Variants in FGF14 observed in about 807,000 individuals in gnomAD.
The protein encoded by FGF14 is fibroblast growth factor homologous factor 4.
A neutral mutation model predicts 25.5 loss-of-function variants in FGF14; 5 were observed. That is an observed-to-expected ratio of 0.20 (90% CI 0.10 to 0.41). The LOEUF is 0.41. FGF14 is among the 10% of genes least tolerant of loss of function. The pLI is 1.00. For missense variants in FGF14, 222 were observed against 320.1 expected, an observed-to-expected ratio of 0.69 and a Z score of 2.34; for synonymous variants, 138 against 118.3, an observed-to-expected ratio of 1.17 and a Z score of -1.08.
At chr13:102,161,590 AAGAAGAAGAAGAAGAAGAAGAAG>A (rs2047668008) in intron 1 of FGF14, among the ~76,000 whole-genome samples, 1 of 5,498 alleles carries the variant, frequency 1.8e-4, no homozygotes, top group Non-Finnish European at 2.5e-4. Flanking sequence ...GAAGAAGAAG[AAGAAGAAGAAGAAGAAGAAGAAG>A]AAGAAGAAGA....
In FGF14 at chr13:102,192,907, G is replaced by A. The variant is rs760274417; in HGVS notation, c.208+208564C>T. On this transcript the variant is annotated intron_variant, in intron 1 of 4. Coordinates refer to the FGF14 transcript ENST00000376131. ...CTAGAAAGATAGATAATTCCCCTTA[G>A]CTATTCTCTTTTCTTTCTGCGCCCT... Among the ~76,000 whole-genome samples, 78 of 152,056 alleles carry A rather than the reference G, an allele frequency of 5.1e-4. 1 individual carries two copies. The highest frequency in any genetic ancestry group is 9.9e-4 in the Non-Finnish European group (67 of 67,996).
At chr13:102,363,798 C>A (rs1249687700) in intron 1 of FGF14, among the ~76,000 whole-genome samples, 1 of 152,184 alleles carries the variant, frequency 6.6e-6, no homozygotes, top group Non-Finnish European at 1.5e-5. Flanking sequence ...CTGTCTTCCA[C>A]AAATGTATAG....
At chr13:102,133,546 T>C (rs935259402) in intron 1 of FGF14, among the ~76,000 whole-genome samples, 2 of 152,322 alleles carry the variant, frequency 1.3e-5, no homozygotes, top group East Asian at 1.9e-4. Flanking sequence ...AAGAGACTTA[T>C]ATAGAAATGG....
chr13:102,144,218 G>A (rs939370748), intron 1 of FGF14, among the ~76,000 whole-genome samples: 11 of 151,978 alleles, frequency 7.2e-5, no homozygotes, highest in Admixed American at 4.6e-4. Flanking sequence ...TATCTGGCCC[G>A]CCATGCATAG....
intron 1 of FGF14, among the ~76,000 whole-genome samples, chr13:102,353,586 A>G (rs565032534): frequency 4.2e-4 from 64 of 152,248 alleles, no homozygotes; most frequent in African/African-American, 1.3e-3. Flanking sequence ...TCACACCTCC[A>G]GTCCTCTCAA....
intron 1 of FGF14, among the ~76,000 whole-genome samples, chr13:102,133,666 G>T: frequency 6.6e-6 from 1 of 152,182 alleles, no homozygotes; most frequent in East Asian, 1.9e-4. Flanking sequence ...TAGATCAATT[G>T]TTAACCGACA....
In FGF14 at chr13:101,839,381, C is replaced by T. The variant is rs183718231; in HGVS notation, c.408+29344G>A. Among the ~76,000 whole-genome samples, 117 of 151,914 alleles carry T rather than the reference C, an allele frequency of 7.7e-4. No individual in the cohort carries two copies. The East Asian group carries it at 8.0e-3, about 10-fold the overall frequency. On this transcript the variant is annotated intron_variant, in intron 3 of 4. Coordinates refer to ENST00000376143, the MANE Select transcript of FGF14 (RefSeq NM_004115.4). ...AAAAATAGAATTTAGTACTTGAAGGCGACATTTAGAAATAGAAAGACAGAT... is the reference window on the plus strand; with the variant it reads ...AAAAATAGAATTTAGTACTTGAAGGTGACATTTAGAAATAGAAAGACAGAT...
chr13:102,237,772 A>C (rs552220307), intron 1 of FGF14, among the ~76,000 whole-genome samples: 1 of 152,340 alleles, frequency 6.6e-6, no homozygotes, highest in South Asian at 2.1e-4. Context: ...GTAAATTAAC[A>C]AATAATAATT....
At chr13:102,068,777 C>T (rs537708465) in intron 1 of FGF14, among the ~76,000 whole-genome samples, 23 of 152,320 alleles carry the variant, frequency 1.5e-4, no homozygotes, top group Non-Finnish European at 3.1e-4. Context: ...GGCTCCTGTG[C>T]GGCCCGAGCC....
chr13:102,018,949 T>C (rs772030212), intron 1 of FGF14, among the ~76,000 whole-genome samples: 64 of 152,198 alleles, frequency 4.2e-4, no homozygotes, highest in African/African-American at 9.1e-4. Context: ...CCACAATGAG[T>C]TGCATGCTCA....
chr13:102,006,845 C>T (rs928325183), intron 1 of FGF14, among the ~76,000 whole-genome samples: 7 of 144,666 alleles, frequency 4.8e-5, no homozygotes, highest in Admixed American at 4.3e-4. Context: ...CCCGGGTTCA[C>T]GCCATTCTCC....
At chr13:102,129,447 C>T (rs2046093528) in intron 1 of FGF14, among the ~76,000 whole-genome samples, 1 of 152,098 alleles carries the variant, frequency 6.6e-6, no homozygotes, top group African/African-American at 2.4e-5. Flanking sequence ...CATCAATTCT[C>T]TCCTTTAGCA....
chr13:102,214,496 A>T (rs1046482200), intron 1 of FGF14, among the ~76,000 whole-genome samples: 1 of 152,160 alleles, frequency 6.6e-6, no homozygotes. Context: ...CTATTTGAGC[A>T]ACTTGGTCAT....
At chr13:102,154,914 G>T (rs1370803859) in intron 1 of FGF14, among the ~76,000 whole-genome samples, 3 of 151,684 alleles carry the variant, frequency 2.0e-5, no homozygotes, top group Non-Finnish European at 4.4e-5. Flanking sequence ...AAGAGACAAA[G>T]AAGGCCATTA....
intron 3 of FGF14, among the ~76,000 whole-genome samples, chr13:101,769,699 C>T (rs955548037): frequency 2.0e-5 from 3 of 152,100 alleles, no homozygotes; most frequent in African/African-American, 7.2e-5. Context: ...TGAAAGGAGC[C>T]AATCTTAAAA....
intron 3 of FGF14, among the ~76,000 whole-genome samples, chr13:101,734,791 C>T (rs2036062738): frequency 6.6e-6 from 1 of 152,136 alleles, no homozygotes; most frequent in African/African-American, 2.4e-5. Context: ...GAAACCGAGG[C>T]ACAGAAGGTT....
intron 3 of FGF14, among the ~76,000 whole-genome samples, chr13:101,859,258 C>T (rs1404444322): frequency 3.3e-5 from 5 of 152,084 alleles, no homozygotes; most frequent in African/African-American, 4.8e-5. Flanking sequence ...AAACTCCCTA[C>T]ATAGCTGTCA....
At chr13:102,126,248 C>A (rs551493129) in intron 1 of FGF14, among the ~76,000 whole-genome samples, 73 of 152,258 alleles carry the variant, frequency 4.8e-4, no homozygotes, top group African/African-American at 1.6e-3. Flanking sequence ...TGCTACTGAT[C>A]ATCTCTAATC....
At chr13:102,300,774 T>C (rs1414034434) in intron 1 of FGF14, among the ~76,000 whole-genome samples, 3 of 152,116 alleles carry the variant, frequency 2.0e-5, no homozygotes, top group Non-Finnish European at 4.4e-5. Flanking sequence ...CTAAAGGCAA[T>C]TATTTTAGTT....
Sources: gnomAD v4.1 joint callset for allele counts (sites outside exome capture counted in the v4.1 genomes callset) on GRCh38, gnomAD v4.1.1 for gene constraint, MANE v1.5 for transcripts, NCBI Gene and HGNC (gene_info 2026-07-23, HGNC 2026-07-21) for gene names.